Variants in GRM7 observed in about 807,000 individuals in gnomAD.
The protein encoded by GRM7 is metabotropic glutamate receptor 7.
GRM7 carries 35 observed loss-of-function variants against 84.5 expected under a neutral mutation model. That is an observed-to-expected ratio of 0.41 (90% CI 0.32 to 0.55). The LOEUF (loss-of-function observed/expected upper bound fraction) is 0.55, where lower values mean the gene tolerates loss of function less well. Ranked by LOEUF, GRM7 falls within the 20% of genes least tolerant of loss-of-function variation. The pLI is 0.19. For missense variants in GRM7, 1,003 were observed against 1,194.6 expected, an observed-to-expected ratio of 0.84 and a Z score of 2.36; for synonymous variants, 487 against 455.1, an observed-to-expected ratio of 1.07 and a Z score of -0.89.
At chr3:7,710,266 C>G (rs189426292) in intron 9 of GRM7, among the ~76,000 whole-genome samples, 1 of 151,998 alleles carries the variant, frequency 6.6e-6, no homozygotes, top group Non-Finnish European at 1.5e-5. Context: ...CAAAAGAATG[C>G]GTAATGCAAA....
chr3:7,540,537 C>T (rs1425770872), intron 7 of GRM7, among the ~76,000 whole-genome samples: 1 of 152,026 alleles, frequency 6.6e-6, no homozygotes, highest in Non-Finnish European at 1.5e-5. Context: ...TCCATAAAGA[C>T]AGTAGATTAG....
At position 7,313,022 on chromosome 3, in the gene GRM7, G is replaced by A. The variant is rs756925559; in HGVS notation, c.1033+6370G>A. On this transcript the variant is annotated intron_variant, in intron 4 of 9. Coordinates refer to ENST00000357716, the MANE Select transcript of GRM7 (RefSeq NM_000844.4). ...CGGCTCACTGCACCCTCCATCTCCCGGGTTCAAACAATTCTTCTACCTCAG... is the reference window on the plus strand; with the variant it reads ...CGGCTCACTGCACCCTCCATCTCCCAGGTTCAAACAATTCTTCTACCTCAG... Among the ~76,000 whole-genome samples the A allele has an allele frequency of 3.5e-4, 53 of 149,534 alleles. 1 individual carries two copies. The highest frequency in any genetic ancestry group is 4.0e-4 in the Non-Finnish European group (27 of 67,758).
At chr3:7,460,899 C>T (rs1262176620) in intron 6 of GRM7, among the ~76,000 whole-genome samples, 1 of 152,056 alleles carries the variant, frequency 6.6e-6, no homozygotes, top group Non-Finnish European at 1.5e-5. Context: ...CTTTAAAATT[C>T]ACTCCAAAGT....
intron 7 of GRM7, among the ~76,000 whole-genome samples, chr3:7,554,428 G>C (rs1693659864): frequency 6.6e-6 from 1 of 152,172 alleles, no homozygotes; most frequent in Non-Finnish European, 1.5e-5. Context: ...AACAGACTCA[G>C]TCACTCCCCT....
chr3:7,066,002 C>T (rs1203215866), intron 1 of GRM7, among the ~76,000 whole-genome samples: 1 of 151,778 alleles, frequency 6.6e-6, no homozygotes, highest in African/African-American at 2.4e-5. Flanking sequence ...TACAACCTAT[C>T]AAAACCTCTG....
At chr3:6,950,923 A>G (rs62235446) in intron 1 of GRM7, among the ~76,000 whole-genome samples, 35,091 of 152,056 alleles carry the variant, frequency 0.23, 4,215 homozygotes, top group Non-Finnish European at 0.26. Flanking sequence ...TATTAGGGTG[A>G]GAGTGACCCG....
At chr3:7,099,018 A>T (rs1202295180) in intron 1 of GRM7, among the ~76,000 whole-genome samples, 1 of 151,650 alleles carries the variant, frequency 6.6e-6, no homozygotes, top group Non-Finnish European at 1.5e-5. Flanking sequence ...AATTATCCTT[A>T]ACCACTGTTA....
At chr3:7,449,031 TAAAAA>T (rs962602987) in intron 5 of GRM7, among the ~76,000 whole-genome samples, 1 of 152,034 alleles carries the variant, frequency 6.6e-6, no homozygotes, top group Non-Finnish European at 1.5e-5. Flanking sequence ...TGAATAGCCT[TAAAAA>T]ATAAATATAG....
chr3:7,469,891 G>T (rs897757306), intron 7 of GRM7, among the ~76,000 whole-genome samples: 9 of 152,162 alleles, frequency 5.9e-5, no homozygotes, highest in Non-Finnish European at 7.4e-5. Flanking sequence ...ACCCCAAACT[G>T]ATTACAGACA....
At chr3:7,138,671 G>T (rs1046465551) in intron 1 of GRM7, among the ~76,000 whole-genome samples, 4 of 151,454 alleles carry the variant, frequency 2.6e-5, no homozygotes, top group Middle Eastern at 6.8e-3. Flanking sequence ...ATAAAGTTTA[G>T]TTTTTTTTCA....
intron 1 of GRM7, among the ~76,000 whole-genome samples, chr3:6,899,249 A>C (rs1006403745): frequency 6.6e-6 from 1 of 152,146 alleles, no homozygotes; most frequent in African/African-American, 2.4e-5. Context: ...TATAGGGAAG[A>C]CCCAATTGAT....
intron 8 of GRM7, among the ~76,000 whole-genome samples, chr3:7,642,328 C>CA (rs201488568): frequency 7.0e-4 from 105 of 150,056 alleles, no homozygotes; most frequent in African/African-American, 2.1e-3. Context: ...CTAAGAATCT[C>CA]AAAAAAAAAG....
At chr3:7,400,856 T>C (rs566591399) in intron 4 of GRM7, among the ~76,000 whole-genome samples, 1 of 152,290 alleles carries the variant, frequency 6.6e-6, no homozygotes, top group South Asian at 2.1e-4. Context: ...CTGTATGAGT[T>C]TCAGTGTGCA....
intron 2 of GRM7, among the ~76,000 whole-genome samples, chr3:7,246,088 C>A (rs1290240651): frequency 1.3e-5 from 2 of 152,034 alleles, no homozygotes; most frequent in Non-Finnish European, 2.9e-5. Context: ...ATCTTTAACA[C>A]AATTTTTTTT....
At chr3:7,204,391 T>C (rs1696165023) in intron 2 of GRM7, among the ~76,000 whole-genome samples, 1 of 152,252 alleles carries the variant, frequency 6.6e-6, no homozygotes, top group Admixed American at 6.5e-5. Flanking sequence ...TACTGAGTTT[T>C]GTCAGCTAAT....
intron 8 of GRM7, among the ~76,000 whole-genome samples, chr3:7,592,320 TA>T (rs1389819937): frequency 6.6e-6 from 1 of 150,746 alleles, no homozygotes; most frequent in African/African-American, 2.4e-5. Flanking sequence ...CAATTAGGAA[TA>T]GGGGCTCAGA....
At chr3:7,379,284 A>G (rs113236313) in intron 4 of GRM7, among the ~76,000 whole-genome samples, 4,345 of 152,154 alleles carry the variant, frequency 0.029, 216 homozygotes, top group African/African-American at 0.098. Flanking sequence ...CATGTTGCCC[A>G]GGTTGCCCAG....
At chr3:7,150,803 G>C (rs917812169) in intron 2 of GRM7, among the ~76,000 whole-genome samples, 2 of 152,136 alleles carry the variant, frequency 1.3e-5, no homozygotes, top group Non-Finnish European at 2.9e-5. Flanking sequence ...TGAGGGTCAA[G>C]GTAAATGTTT....
At chr3:7,647,210 C>T (rs1698689517) in intron 8 of GRM7, among the ~76,000 whole-genome samples, 1 of 152,186 alleles carries the variant, frequency 6.6e-6, no homozygotes, top group Non-Finnish European at 1.5e-5. Flanking sequence ...TGCTTCCGAG[C>T]CAAAGAATTA....
Sources: gnomAD v4.1 joint callset for allele counts (sites outside exome capture counted in the v4.1 genomes callset) on GRCh38, gnomAD v4.1.1 for gene constraint, MANE v1.5 for transcripts, NCBI Gene and HGNC (gene_info 2026-07-23, HGNC 2026-07-21) for gene names.